The following TRIQK variants were observed in gnomAD, a reference collection of about 807,000 sequenced individuals.
TRIQK encodes the protein triple QxxK/R motif containing.
Under a neutral mutation model 10.8 loss-of-function variants are expected in TRIQK, and 10 were observed. That is an observed-to-expected ratio of 0.92 (90% confidence interval 0.57 to 1.57). The LOEUF (loss-of-function observed/expected upper bound fraction) is 1.57, where lower values mean the gene tolerates loss of function less well. TRIQK is among the 40% of genes most tolerant of loss of function. The pLI is 0.00. For synonymous variants in TRIQK, 33 were observed against 33.7 expected (o/e 0.98, Z 0.07); for missense variants, 107 against 97.7 (o/e 1.09, Z -0.40).
At chr8:92,965,751 C>T (rs908127737) in intron 1 of TRIQK, 1 of 152,564 alleles carries the variant, frequency 6.6e-6, no homozygotes, top group African/African-American at 2.4e-5. Flanking sequence ...CCTCCATCCC[C>T]CATCCCGCAG....
intron 1 of TRIQK, among the ~76,000 whole-genome samples, chr8:93,009,346 A>G (rs1757052832): frequency 6.6e-6 from 1 of 152,214 alleles, no homozygotes; most frequent in African/African-American, 2.4e-5. Flanking sequence ...GCAGTGGCTC[A>G]TGCCTGTAAT....
intron 3 of TRIQK, among the ~76,000 whole-genome samples, chr8:92,902,457 C>T (rs980380921): frequency 5.3e-5 from 8 of 152,142 alleles, no homozygotes; most frequent in East Asian, 1.9e-4. Flanking sequence ...AGGTGAAGTA[C>T]GGGAAAGGGG....
At chr8:92,965,517 G>GGCCC (rs1174482753) in intron 1 of TRIQK, 1 of 152,348 alleles carries the variant, frequency 6.6e-6, no homozygotes, top group Non-Finnish European at 1.5e-5. Context: ...TGGGAAAGGG[G>GGCCC]GCCCCAAAAG....
At chr8:92,900,202 C>G (rs1808848094) in intron 3 of TRIQK, among the ~76,000 whole-genome samples, 1 of 151,986 alleles carries the variant, frequency 6.6e-6, no homozygotes, top group Admixed American at 6.6e-5. Context: ...TGGGTTGTCC[C>G]TTTCACTTTA....
At chr8:92,919,149 A>C (rs1019417866) in intron 2 of TRIQK, among the ~76,000 whole-genome samples, 2 of 151,758 alleles carry the variant, frequency 1.3e-5, no homozygotes, top group Admixed American at 1.3e-4. Flanking sequence ...TTGAAATCAG[A>C]TAGTGTGATT....
Position 92,972,612 on chromosome 8 carries a change from C to G in TRIQK, c.-180-18048G>C, listed in dbSNP as rs534596831. 2.0e-5 allele frequency: 3 copies of G among 152,490 alleles called. No homozygotes were observed. In the East Asian group the frequency reaches 5.8e-4, roughly 29 times the overall value. 9.4% of individuals were successfully genotyped at this position (152,490 alleles called of 1,614,324 possible). ...TGGCATTATGCCATTTGGCATGTCC[C>G]CATCCAGGAGGGTAACAACACTATC... On this transcript the variant is annotated intron_variant, in intron 1 of 4. Coordinates refer to the TRIQK transcript ENST00000520686.
intron 3 of TRIQK, among the ~76,000 whole-genome samples, chr8:92,901,565 T>A (rs1352326099): frequency 1.3e-5 from 2 of 152,198 alleles, no homozygotes; most frequent in African/African-American, 2.4e-5. Context: ...TTTGTGTATG[T>A]TGAATCATCC....
intron 1 of TRIQK, among the ~76,000 whole-genome samples, chr8:93,007,140 A>G (rs1000326243): frequency 6.6e-6 from 1 of 152,150 alleles, no homozygotes; most frequent in Non-Finnish European, 1.5e-5. Flanking sequence ...GAGATCCCAG[A>G]GGAAGGATCA....
intron 1 of TRIQK, among the ~76,000 whole-genome samples, chr8:93,003,464 TC>T (rs1314429766): frequency 6.6e-6 from 1 of 151,940 alleles, no homozygotes; most frequent in Non-Finnish European, 1.5e-5. Context: ...TCCCACTATT[TC>T]CCTCCCCCAT....
intron 2 of TRIQK, among the ~76,000 whole-genome samples, chr8:92,925,018 A>G (rs184759343): frequency 6.6e-6 from 1 of 152,244 alleles, no homozygotes; most frequent in East Asian, 1.9e-4. Flanking sequence ...ACTTGCCAAC[A>G]TTGATATGAA....
At chr8:92,984,961 A>G (rs1813018668) in intron 1 of TRIQK, among the ~76,000 whole-genome samples, 1 of 152,196 alleles carries the variant, frequency 6.6e-6, no homozygotes, top group African/African-American at 2.4e-5. Flanking sequence ...CTTCTGAGAT[A>G]AATTTAAGAA....
chr8:92,985,632 T>TCA (rs1309371653), intron 1 of TRIQK, among the ~76,000 whole-genome samples: 1 of 152,148 alleles, frequency 6.6e-6, no homozygotes, highest in African/African-American at 2.4e-5. Context: ...CTTAAATCCT[T>TCA]CAAGGTTTCA....
intron 1 of TRIQK, among the ~76,000 whole-genome samples, chr8:92,957,294 AAAATT>A (rs1201886981): frequency 6.6e-6 from 1 of 151,816 alleles, no homozygotes; most frequent in Non-Finnish European, 1.5e-5. Flanking sequence ...ATGTATACAT[AAAATT>A]AATGTATGTA....
At chr8:92,977,682 TTTC>T (rs1812947280) in intron 1 of TRIQK, among the ~76,000 whole-genome samples, 1 of 152,154 alleles carries the variant, frequency 6.6e-6, no homozygotes, top group Non-Finnish European at 1.5e-5. Flanking sequence ...TGGAGCATAT[TTTC>T]TTATTTGTTT....
intron 1 of TRIQK, among the ~76,000 whole-genome samples, chr8:92,958,358 C>T (rs150597045): frequency 6.6e-6 from 1 of 152,110 alleles, no homozygotes; most frequent in African/African-American, 2.4e-5. Context: ...GTCACCTATA[C>T]CTGCTGGACA....
intron 2 of TRIQK, among the ~76,000 whole-genome samples, chr8:92,919,800 G>A (rs1294395172): frequency 6.6e-6 from 1 of 151,622 alleles, no homozygotes; most frequent in Admixed American, 6.6e-5. Flanking sequence ...TTTTATTCCT[G>A]CTTCAAACTC....
intron 2 of TRIQK, among the ~76,000 whole-genome samples, chr8:92,924,005 G>A (rs1810316535): frequency 6.6e-6 from 1 of 151,628 alleles, no homozygotes; most frequent in African/African-American, 2.4e-5. Context: ...CAAAACACAG[G>A]TTATTAAAAA....
intron 1 of TRIQK, among the ~76,000 whole-genome samples, chr8:92,993,112 T>G (rs1326788536): frequency 6.6e-6 from 1 of 152,196 alleles, no homozygotes; most frequent in African/African-American, 2.4e-5. Flanking sequence ...CAGTCATTGG[T>G]AAGGCTGTTA....
intron 3 of TRIQK, among the ~76,000 whole-genome samples, chr8:92,906,191 C>T (rs371882667): frequency 3.3e-5 from 5 of 152,162 alleles, no homozygotes; most frequent in East Asian, 1.9e-4. Flanking sequence ...AGAAAAGATA[C>T]GATACTAGTT....
Sources: allele counts gnomAD v4.1 joint callset (sites outside exome capture counted in the v4.1 genomes callset), GRCh38; gene constraint gnomAD v4.1.1; transcripts MANE v1.5; gene names NCBI Gene and HGNC (gene_info 2026-07-23, HGNC 2026-07-21).